The following ERC1 variants were observed in gnomAD, a reference collection of about 807,000 sequenced individuals.
ERC1 encodes RAB6 interacting protein 2.
In ERC1, 56 loss-of-function variants were observed where a neutral mutation model predicts 132.0. The observed-to-expected ratio is 0.42, with a 90% confidence interval of 0.34 to 0.53. The LOEUF (loss-of-function observed/expected upper bound fraction) is 0.53, where lower values mean the gene tolerates loss of function less well. ERC1 is among the 20% of genes least tolerant of loss of function. ERC1 has a pLI of 0.03. For synonymous variants in ERC1, 478 were observed against 476.1 expected, an observed-to-expected ratio of 1.00 and a Z score of -0.05; for missense variants, 1,202 against 1,349.9, an observed-to-expected ratio of 0.89 and a Z score of 1.72.
intron 1 of ERC1, among the ~76,000 whole-genome samples, chr12:1,017,311 G>GT (rs1965680157): frequency 6.6e-6 from 1 of 151,714 alleles, no homozygotes; most frequent in African/African-American, 2.4e-5. Flanking sequence ...TATTCTTTGT[G>GT]TTTTTTTCTG....
chr12:1,261,657 G>C (rs1321483480), intron 13 of ERC1, among the ~76,000 whole-genome samples: 1 of 151,366 alleles, frequency 6.6e-6, no homozygotes, highest in African/African-American at 2.5e-5. Flanking sequence ...AACAAACAAC[G>C]TTTGTTTTCT....
At chr12:1,424,748 C>G (rs543667336) in intron 17 of ERC1, among the ~76,000 whole-genome samples, 2 of 152,144 alleles carry the variant, frequency 1.3e-5, no homozygotes, top group South Asian at 4.1e-4. Flanking sequence ...GTGATTCTCT[C>G]TACCCAGCCG....
chr12:1,050,236 A>G (rs907446138), intron 2 of ERC1, among the ~76,000 whole-genome samples: 2 of 152,178 alleles, frequency 1.3e-5, no homozygotes, highest in Non-Finnish European at 2.9e-5. Flanking sequence ...AAAGGATGGA[A>G]CAGGACGTCA....
intron 7 of ERC1, among the ~76,000 whole-genome samples, chr12:1,140,870 A>G (rs1004410497): frequency 1.3e-5 from 2 of 152,160 alleles, no homozygotes; most frequent in Non-Finnish European, 2.9e-5. Context: ...TATATGGGTT[A>G]TATGTTTGAA....
chr12:1,052,961 A>G (rs1565868668), intron 2 of ERC1, among the ~76,000 whole-genome samples: 1 of 151,334 alleles, frequency 6.6e-6, no homozygotes, highest in Admixed American at 6.6e-5. Flanking sequence ...CAAGAGTGAA[A>G]CTATGTCTCG....
At chr12:1,096,007 C>T (rs779526920) in intron 3 of ERC1, among the ~76,000 whole-genome samples, 44 of 151,078 alleles carry the variant, frequency 2.9e-4, no homozygotes, top group Admixed American at 2.6e-3. Flanking sequence ...CTCATTGCGG[C>T]CTCCACCTCC....
intron 13 of ERC1, among the ~76,000 whole-genome samples, chr12:1,250,512 A>G (rs1284725679): frequency 2.0e-5 from 3 of 152,200 alleles, no homozygotes; most frequent in Admixed American, 2.0e-4. Flanking sequence ...TGTTTTGCAT[A>G]GGTTCATTAA....
intron 15 of ERC1, among the ~76,000 whole-genome samples, chr12:1,320,330 T>C (rs946854572): frequency 6.6e-6 from 1 of 152,346 alleles, no homozygotes; most frequent in East Asian, 1.9e-4. Context: ...CACCCAAATG[T>C]GTATGAAAGT....
At chr12:996,535 T>G (rs1329902031) in intron 1 of ERC1, among the ~76,000 whole-genome samples, 1 of 151,996 alleles carries the variant, frequency 6.6e-6, no homozygotes, top group African/African-American at 2.4e-5. Context: ...TGTGCTATGA[T>G]TGCATATGTG....
At chr12:1,186,660 A>G (rs138688654) in intron 11 of ERC1, among the ~76,000 whole-genome samples, 4 of 152,346 alleles carry the variant, frequency 2.6e-5, no homozygotes. Flanking sequence ...AGGTTAACGT[A>G]TAGTTAGAAC....
chr12:1,214,652 G>A (rs1024055314), intron 12 of ERC1, among the ~76,000 whole-genome samples: 35 of 131,834 alleles, frequency 2.7e-4, no homozygotes, highest in African/African-American at 3.8e-4. Context: ...ATAAATATGC[G>A]TGTGTGTATA....
intron 1 of ERC1, chr12:1,027,302 G>C (rs1967057068): frequency 6.6e-6 from 1 of 151,978 alleles, no homozygotes; most frequent in Non-Finnish European, 1.5e-5. Flanking sequence ...ATTATCTTGG[G>C]TTTTCAGTTA....
At chr12:1,288,396 C>A (rs116786957) in intron 14 of ERC1, among the ~76,000 whole-genome samples, 7 of 152,030 alleles carry the variant, frequency 4.6e-5, no homozygotes, top group African/African-American at 1.7e-4. Flanking sequence ...ATTACAGGCA[C>A]GAGCCACAGC....
At chr12:1,282,925 T>C (rs1471442639) in intron 14 of ERC1, among the ~76,000 whole-genome samples, 1 of 152,162 alleles carries the variant, frequency 6.6e-6, no homozygotes, top group Non-Finnish European at 1.5e-5. Context: ...GACTTACGCC[T>C]TTTACTCTCC....
chr12:1,077,020 C>T (rs1485483272), intron 2 of ERC1, among the ~76,000 whole-genome samples: 1 of 152,116 alleles, frequency 6.6e-6, no homozygotes, highest in Non-Finnish European at 1.5e-5. Context: ...CTTAAGAATT[C>T]TTTAAAACTC....
intron 18 of ERC1, among the ~76,000 whole-genome samples, chr12:1,463,626 T>C (rs919824840): frequency 7.4e-4 from 112 of 151,964 alleles, no homozygotes; most frequent in African/African-American, 2.6e-3. Flanking sequence ...ATTGCAGAAC[T>C]GTGAAGATAA....
chr12:1,440,296 C>T (rs903624778), intron 17 of ERC1, among the ~76,000 whole-genome samples: 3 of 146,682 alleles, frequency 2.0e-5, no homozygotes, highest in African/African-American at 7.8e-5. Flanking sequence ...GCTCCGCCTC[C>T]TGGGTTCACG....
In ERC1 at chr12:1,240,474, T is replaced by C. The variant is rs78111435; in HGVS notation, c.2487+3570T>C. Among the ~76,000 whole-genome samples the C allele has an allele frequency of 8.5e-5, 13 of 152,328 alleles. 1 individual carries two copies. The East Asian group carries it at 2.5e-3, about 29-fold the overall frequency. ...CAGATAAGACTTCACTCTTAGACTT[T>C]AGTGTGTCTTTCAGTTCTAAACTAG... On this transcript the variant is annotated intron_variant, in intron 13 of 18. Coordinates refer to ENST00000360905, the MANE Select transcript of ERC1 (RefSeq NM_178040.4).
chr12:1,114,002 C>G (rs910201954), intron 6 of ERC1, among the ~76,000 whole-genome samples: 15 of 152,094 alleles, frequency 9.9e-5, no homozygotes, highest in Non-Finnish European at 1.9e-4. Context: ...TGCTTCTAAA[C>G]TCTGCTTTTC....
Sources: allele counts gnomAD v4.1 joint callset (sites outside exome capture counted in the v4.1 genomes callset), GRCh38; gene constraint gnomAD v4.1.1; transcripts MANE v1.5; gene names NCBI Gene and HGNC (gene_info 2026-07-23, HGNC 2026-07-21).